TCOF1: variants seen among roughly 807,000 people sequenced by gnomAD.
TCOF1 encodes treacle protein.
A neutral mutation model predicts 149.0 loss-of-function variants in TCOF1; 33 were observed. The observed-to-expected ratio is 0.22, with a 90% CI of 0.17 to 0.30. TCOF1 has a LOEUF of 0.30. Among genes scored for constraint, TCOF1 ranks in the 10% least tolerant of loss-of-function variants. TCOF1 has a pLI of 1.00. For missense variants in TCOF1, 1,728 were observed against 1,840.7 expected, an observed-to-expected ratio of 0.94 and a Z score of 1.12; for synonymous variants, 789 against 738.8, an observed-to-expected ratio of 1.07 and a Z score of -1.10.
chr5:150,391,724 G>C (rs780257725), intron 20 of TCOF1, 67 bp downstream of exon 20: 8 of 1,431,870 alleles, frequency 5.6e-6, no homozygotes, highest in Non-Finnish European at 7.7e-6. Flanking sequence ...GCCCTGCATC[G>C]CGGCACCAGC....
In TCOF1 at chr5:150,376,160, C is replaced by T. The variant is rs1562361444; in HGVS notation, c.1972C>T (p.Pro658Ser). ...TNTTASAKVA[P>S]VRVGTQAPRK... is the part of the protein sequence containing the mutation. The stretch of plus-strand genomic sequence containing the variant: ...TACCACTGCATCTGCCAAGGTCGCC[C>T]CTGTGCGAGTGGGCACCCAAGCCCC... Residue 658 changes from proline to serine, a missense_variant, in exon 13 of 27, where the codon CCT (proline) becomes TCT (serine). Pro to Ser is a moderately conservative substitution (Grantham distance 74). Around this residue, in one of 2 missense-constraint regions of TCOF1, gnomAD observed 1,696 missense variants for 1,765.4 expected, o/e 0.96. Coordinates refer to ENST00000643257, the MANE Select transcript of TCOF1 (RefSeq NM_001371623.1). 1.2e-6 allele frequency: 2 copies of T among 1,614,118 alleles called. No homozygotes were observed. Among genetic ancestry groups the T allele is most frequent in the African/African-American group, 1.3e-5 (1 of 74,946 alleles).
chr5:150,358,544 T>C (rs1461765627), intron 1 of TCOF1, among the ~76,000 whole-genome samples: 1 of 152,074 alleles, frequency 6.6e-6, no homozygotes, highest in Non-Finnish European at 1.5e-5. Flanking sequence ...GTGTTAAGAA[T>C]GAGAGGGATG....
intron 21 of TCOF1, 65 bp from the exon 22 acceptor site, chr5:150,392,640 G>A: frequency 6.4e-7 from 1 of 1,555,784 alleles, no homozygotes; most frequent in Non-Finnish European, 8.8e-7. Flanking sequence ...CTTCCTGAAG[G>A]GCTCTGCCCT....
rs113238516 is a variant in TCOF1 at position 150,375,046 on chromosome 5, G to A, written c.1371G>A (p.Arg457=). 1.0e-4 allele frequency: 169 copies of A among 1,613,998 alleles called. No homozygotes were observed. The highest frequency in any genetic ancestry group is 1.4e-4 in the Non-Finnish European group (166 of 1,180,014). Residue 457 remains arginine (R), a synonymous_variant, in exon 10 of 27, where the codon AGG becomes AGA. Coordinates refer to ENST00000643257, the MANE Select transcript of TCOF1 (RefSeq NM_001371623.1). ...AAGGGGCTGCCCCAGCACCTCCTAG[G>A]AAAACAGGGCCTGCAGCCGCCCAGG... The part of the protein sequence containing the change: ...PRKGAAPAPP[R]KTGPAAAQVQ...
chr5:150,366,412 C>T (rs879294459), intron 3 of TCOF1, among the ~76,000 whole-genome samples: 4 of 152,132 alleles, frequency 2.6e-5, no homozygotes, highest in Admixed American at 6.5e-5. Flanking sequence ...TTGTGGGCAA[C>T]GTGGTAGGAT....
chr5:150,393,470 T>C lies in TCOF1; in HGVS notation c.3702T>C (p.Ser1234=), dbSNP rs1767836281. 2 of 1,614,120 alleles carry C rather than the reference T, an allele frequency of 1.2e-6. No homozygotes were observed. Among genetic ancestry groups the C allele is most frequent in the Non-Finnish European group, 8.5e-7 (1 of 1,180,030 alleles). ...PKLDSSPSVS[S]TLAAKDDPDG... ...TAGACTCCAGCCCCTCAGTTTCCTCTACTCTGGCCGCCAAAGATGACCCAG... is the reference window on the plus strand; with the variant it reads ...TAGACTCCAGCCCCTCAGTTTCCTCCACTCTGGCCGCCAAAGATGACCCAG... The change falls in exon 23 of 27, where the codon TCT becomes TCC. Residue 1234 remains serine (S), a synonymous_variant. Coordinates refer to ENST00000643257, the MANE Select transcript of TCOF1 (RefSeq NM_001371623.1).
rs895501435 is a variant in TCOF1 at position 150,387,942 on chromosome 5, G to T, written c.2900G>T (p.Ser967Ile). The change falls in exon 18 of 27, where the codon AGT becomes ATT. Residue 967 changes from serine to isoleucine, a missense_variant. Coordinates refer to ENST00000643257, the MANE Select transcript of TCOF1 (RefSeq NM_001371623.1). Reference sequence around the variant, plus strand: ...CTGATTTTTGTCGACCCTAATCGTAGTCCAGCTGGCCCAGCTGCTACACCC... The same window carrying T: ...CTGATTTTTGTCGACCCTAATCGTATTCCAGCTGGCCCAGCTGCTACACCC... ...PPLIFVDPNRSPAGPAATPAQ... is the reference protein window; with the variant it reads ...PPLIFVDPNRIPAGPAATPAQ... The T allele has an allele frequency of 2.5e-5, 41 of 1,613,810 alleles. No homozygotes were observed. The highest frequency in any genetic ancestry group is 3.4e-5 in the Non-Finnish European group (40 of 1,180,032).
intron 17 of TCOF1, chr5:150,384,892 G>C (rs936180444): frequency 1.0e-6 from 1 of 985,338 alleles, no homozygotes; most frequent in African/African-American, 1.7e-5. Context: ...TAGCCCATCA[G>C]TGGGGAAAGG....
intron 3 of TCOF1, among the ~76,000 whole-genome samples, chr5:150,365,594 C>A (rs1339438212): frequency 1.3e-5 from 2 of 152,084 alleles, no homozygotes; most frequent in Non-Finnish European, 1.5e-5. Flanking sequence ...TATATACAGA[C>A]CTGCATGCTA....
intron 23 of TCOF1, among the ~76,000 whole-genome samples, chr5:150,395,575 T>C (rs1768305733): frequency 6.6e-6 from 1 of 151,174 alleles, no homozygotes; most frequent in African/African-American, 2.4e-5. Flanking sequence ...CACACAATTA[T>C]CAAAGGCAAG....
chr5:150,375,716 T>G lies in TCOF1; in HGVS notation c.1705-5T>G. Reference sequence around the variant, plus strand: ...CCTCTCCCGATCCTGTGTATCTCACTCCAGGAAAAGTCCTTGGGGAACATC... The same window carrying G: ...CCTCTCCCGATCCTGTGTATCTCACGCCAGGAAAAGTCCTTGGGGAACATC... On this transcript the variant is annotated splice_region_variant and splice_polypyrimidine_tract_variant and intron_variant, in intron 11 of 26. Transcript: ENST00000643257. 6.2e-7 allele frequency: 1 copy of G among 1,614,182 alleles called. No individual in the cohort carries two copies. Among genetic ancestry groups the G allele is most frequent in the African/African-American group, 1.3e-5 (1 of 75,046 alleles).
chr5:150,396,665 A>G lies in TCOF1; in HGVS notation c.4168A>G (p.Lys1390Glu), dbSNP rs1768588250. The change falls in exon 24 of 27, where the codon AAA becomes GAA. Residue 1390 changes from lysine to glutamate, a missense_variant. This residue lies in a region of TCOF1 where 1,696 missense variants were observed against 1,765.4 expected (regional missense o/e 0.96). Transcript: ENST00000643257. ...AAAGACCTCCACGACTTCCAAGGGGAAAGCAAAGAGAGACAAAGCAAGTGG... is the reference window on the plus strand; with the variant it reads ...AAAGACCTCCACGACTTCCAAGGGGGAAGCAAAGAGAGACAAAGCAAGTGG... ...PEKTSTTSKG[K>E]AKRDKASGDV... 1 of 1,611,542 alleles carries G rather than the reference A, an allele frequency of 6.2e-7. No homozygotes were observed. The highest frequency in any genetic ancestry group is 8.5e-7 in the Non-Finnish European group (1 of 1,178,860).
In TCOF1 at chr5:150,396,377, A is replaced by C. The variant is rs1429947751; in HGVS notation, c.3880A>C (p.Ser1294Arg). Reference protein sequence around the residue: ...NPQASTLALQSNITQCLLGQP... With the variant: ...NPQASTLALQRNITQCLLGQP... ...CCAAGCCTCAACCCTGGCGCTGCAAAGCAACATCACCCAGTGCCTCCTGGG... is the reference window on the plus strand; with the variant it reads ...CCAAGCCTCAACCCTGGCGCTGCAACGCAACATCACCCAGTGCCTCCTGGG... Residue 1294 changes from serine to arginine, a missense_variant, in exon 24 of 27, where the codon AGC (serine) becomes CGC (arginine). Transcript: ENST00000643257. 3.1e-6 allele frequency: 5 copies of C among 1,613,896 alleles called. No individual in the cohort carries two copies. Among genetic ancestry groups the C allele is most frequent in the Admixed American group, 1.7e-5 (1 of 60,006 alleles).
chr5:150,375,220 G>C, intron 10 of TCOF1, 57 bp downstream of exon 10: 1 of 1,612,242 alleles, frequency 6.2e-7, no homozygotes, highest in Non-Finnish European at 8.5e-7. Context: ...ACCTCCTGTG[G>C]TTTTGACTTT....
At position 150,372,043 on chromosome 5, in the gene TCOF1, C is replaced by T; in HGVS notation, c.677C>T (p.Ser226Leu). The change falls in exon 7 of 27, where the codon TCA (serine) becomes TTA (leucine). Residue 226 changes from serine (S) to leucine (L), a missense_variant. Coordinates refer to ENST00000643257, the MANE Select transcript of TCOF1 (RefSeq NM_001371623.1). ...PSVKPAQVKA[S>L]SVSTKESPAR... ...GTAAAACCAGCCCAGGTCAAAGCCTCATCAGTTTCTACTAAGGAGTCTCCA... is the reference window on the plus strand; with the variant it reads ...GTAAAACCAGCCCAGGTCAAAGCCTTATCAGTTTCTACTAAGGAGTCTCCA... 3 of 1,614,220 alleles carry T rather than the reference C, an allele frequency of 1.9e-6. No individual in the cohort carries two copies. Among genetic ancestry groups the T allele is most frequent in the Non-Finnish European group, 2.5e-6 (3 of 1,180,050 alleles).
chr5:150,376,452 G>A lies in TCOF1; in HGVS notation c.2172G>A (p.Val724=), dbSNP rs775562041. Residue 724 remains valine, a synonymous_variant, in exon 14 of 27, where the codon GTG becomes GTA. Transcript: ENST00000643257. The part of the protein sequence containing the change: ...QAKSVGKGLQ[V]KAASVPVKGS... ...AGTCTGTGGGGAAAGGCCTCCAGGT[G>A]AAAGCAGCCTCAGTGCCTGTCAAGG... 3.7e-6 allele frequency: 6 copies of A among 1,614,098 alleles called. No homozygotes were observed. In the South Asian group the frequency reaches 5.5e-5, roughly 15 times the overall value.
At chr5:150,379,491 A>C (rs749703644) in intron 16 of TCOF1, 41 bp from the exon 17 acceptor site, 58 of 1,613,298 alleles carry the variant, frequency 3.6e-5, no homozygotes, top group Non-Finnish European at 4.8e-5. Context: ...TCACACGTCC[A>C]CCCTCCAGGC....
intron 2 of TCOF1, among the ~76,000 whole-genome samples, chr5:150,361,958 G>A (rs1397410256): frequency 6.6e-6 from 1 of 152,178 alleles, no homozygotes; most frequent in East Asian, 1.9e-4. Flanking sequence ...GTGAAAAAGT[G>A]AGGAGATTGC....
At chr5:150,398,972 G>A in intron 25 of TCOF1, 50 bp from the exon 26 acceptor site, 1 of 1,614,066 alleles carries the variant, frequency 6.2e-7, no homozygotes, top group Non-Finnish European at 8.5e-7. Context: ...GCAGCAGTGG[G>A]TGGGGAAAAG....
Sources: gnomAD v4.1 joint callset for allele counts (sites outside exome capture counted in the v4.1 genomes callset) on GRCh38, gnomAD v4.1.1 for gene constraint, gnomAD v4.1.1 regional missense constraint, MANE v1.5 for transcripts, NCBI Gene and HGNC (gene_info 2026-07-23, HGNC 2026-07-21) for gene names.